Variants in NALCN observed in about 807,000 individuals in gnomAD.
NALCN encodes sodium leak channel, non-selective.
In NALCN, 111 loss-of-function variants were observed where a neutral mutation model predicts 225.3. The ratio of observed to expected loss-of-function variants is 0.49; its 90% CI spans 0.42 to 0.58. The LOEUF is 0.58. Ranked by LOEUF, NALCN falls within the 20% of genes least tolerant of loss-of-function variation. The pLI is 0.00. For synonymous variants in NALCN, 764 were observed against 769.0 expected, an observed-to-expected ratio of 0.99 and a Z score of 0.11; for missense variants, 1,378 against 2,202.4, an observed-to-expected ratio of 0.63 and a Z score of 7.49.
At chr13:101,186,033 A>T (rs180722643) in intron 14 of NALCN, among the ~76,000 whole-genome samples, 1 of 152,318 alleles carries the variant, frequency 6.6e-6, no homozygotes, top group East Asian at 1.9e-4. Flanking sequence ...TAACTTGTGA[A>T]GTTTAGTTTT....
intron 37 of NALCN, among the ~76,000 whole-genome samples, chr13:101,070,665 T>C (rs1010146109): frequency 9.9e-5 from 15 of 152,200 alleles, no homozygotes; most frequent in Non-Finnish European, 1.8e-4. Context: ...ATCTTTTTTT[T>C]CTGAGCAGTA....
Position 101,273,434 on chromosome 13 carries a change from T to C in NALCN, c.1134+10499A>G, listed in dbSNP as rs139921199. ...ACACTTAAGCACACAACGAAGCAAC[T>C]TTCTAATCGGTTTCTTTAATACCAC... On this transcript the variant is annotated intron_variant, in intron 10 of 43. Transcript: ENST00000251127. Among the ~76,000 whole-genome samples, 797 of 152,322 alleles carry C rather than the reference T, an allele frequency of 5.2e-3. 10 individuals are homozygous for C. Among genetic ancestry groups the C allele is most frequent in the African/African-American group, 0.018 (740 of 41,548 alleles).
intron 3 of NALCN, among the ~76,000 whole-genome samples, chr13:101,384,518 T>C (rs916730475): frequency 2.6e-5 from 4 of 152,186 alleles, no homozygotes; most frequent in Admixed American, 6.5e-5. Context: ...TACAGTTTCA[T>C]GAGAACAGGA....
At chr13:101,333,911 C>T (rs565120739) in intron 7 of NALCN, among the ~76,000 whole-genome samples, 5 of 152,176 alleles carry the variant, frequency 3.3e-5, no homozygotes, top group South Asian at 2.1e-4. Context: ...TACATTCAAA[C>T]GAACAGTGAA....
intron 27 of NALCN, among the ~76,000 whole-genome samples, chr13:101,097,362 A>G (rs943032851): frequency 1.3e-5 from 2 of 152,120 alleles, no homozygotes; most frequent in Non-Finnish European, 2.9e-5. Flanking sequence ...ATCTTTCCAT[A>G]ACCATACCTT....
At chr13:101,119,124 TA>T (rs1174161401) in intron 18 of NALCN, among the ~76,000 whole-genome samples, 1 of 152,202 alleles carries the variant, frequency 6.6e-6, no homozygotes, top group African/African-American at 2.4e-5. Context: ...CGTGAATTCT[TA>T]GGGGCACTTT....
chr13:101,368,981 G>A (rs927834072), intron 6 of NALCN: 2 of 354,926 alleles, frequency 5.6e-6, no homozygotes, highest in Admixed American at 3.6e-5. Flanking sequence ...ACTCCAGCCT[G>A]GGTGTCAGAG....
At chr13:101,116,626 A>C (rs745610186) in intron 18 of NALCN, 1 of 469,558 alleles carries the variant, frequency 2.1e-6, no homozygotes, top group Non-Finnish European at 4.2e-6. Flanking sequence ...TGAGTCTTCA[A>C]ATTATTTTCA....
chr13:101,234,542 G>A (rs978107801), intron 12 of NALCN, among the ~76,000 whole-genome samples: 6 of 152,286 alleles, frequency 3.9e-5, no homozygotes, highest in African/African-American at 9.6e-5. Flanking sequence ...ACAAAGAGCC[G>A]CTCTGTCTGG....
chr13:101,325,797 A>G (rs1220404746), intron 7 of NALCN, among the ~76,000 whole-genome samples: 3 of 152,186 alleles, frequency 2.0e-5, no homozygotes, highest in Non-Finnish European at 4.4e-5. Context: ...AGGTGTTATC[A>G]TTATTTTGAC....
Position 101,067,972 on chromosome 13 carries a change from G to GT in NALCN, c.4391dup (p.Tyr1464Ter), listed in dbSNP as rs1566778125. 1.2e-6 allele frequency: 2 copies of GT among 1,613,350 alleles called. No homozygotes were observed. Residue 1464 changes from tyrosine to a stop codon, truncating the protein, a stop_gained and frameshift_variant, in exon 39 of 44, where the codon TAC (tyrosine) becomes TAAC (stop). Transcript: ENST00000251127. LOFTEE classifies it high-confidence loss of function. ...TTATTTGAAAGTGGCGAAGATCATT[G>GT]TAACTTAAAAGCTGGTCCTCCTCAG... Reference protein sequence around the residue: ...YSTEEDQLLSYNDLRHFQIIW... With the variant: ...YSTEEDQLLS
At chr13:101,127,835 C>CCTT (rs1468271077) in intron 17 of NALCN, among the ~76,000 whole-genome samples, 1 of 151,950 alleles carries the variant, frequency 6.6e-6, no homozygotes, top group Non-Finnish European at 1.5e-5. Flanking sequence ...CTAGTTATTC[C>CCTT]CTTCTTTTTT....
At chr13:101,144,477 C>G (rs929991937) in intron 16 of NALCN, among the ~76,000 whole-genome samples, 17 of 152,214 alleles carry the variant, frequency 1.1e-4, no homozygotes, top group Admixed American at 3.3e-4. Flanking sequence ...CCTGGGATGT[C>G]CCATTCCCGA....
At chr13:101,183,549 TC>T (rs2039327954) in intron 14 of NALCN, among the ~76,000 whole-genome samples, 1 of 152,112 alleles carries the variant, frequency 6.6e-6, no homozygotes, top group Admixed American at 6.6e-5. Context: ...AACCTCTACC[TC>T]CCGGGTTCAA....
intron 7 of NALCN, 96 bp downstream of exon 7, chr13:101,345,170 C>A: frequency 1.6e-6 from 2 of 1,250,778 alleles, no homozygotes; most frequent in Middle Eastern, 2.0e-4. Context: ...ATACTACAGC[C>A]AGTCAAAATA....
chr13:101,290,024 T>A (rs1048310568), intron 9 of NALCN, among the ~76,000 whole-genome samples: 2 of 152,342 alleles, frequency 1.3e-5, no homozygotes, highest in Middle Eastern at 6.8e-3. Flanking sequence ...GGTCCTCAGC[T>A]ATAGCATTTT....
chr13:101,104,475 G>C lies in NALCN; in HGVS notation c.2758-49C>G, dbSNP rs1411684676. The C allele has an allele frequency of 6.2e-7, 1 of 1,612,832 alleles. No individual in the cohort carries two copies. The highest frequency in any genetic ancestry group is 2.2e-5 in the East Asian group (1 of 44,854). Reference sequence around the variant, plus strand: ...GGTTACAATGAACGGAAAAACAGCAGGTCAGTATTTTACCTCCTAGTTGTA... The same window carrying C: ...GGTTACAATGAACGGAAAAACAGCACGTCAGTATTTTACCTCCTAGTTGTA... On this transcript the variant is annotated intron_variant, in intron 24 of 43. Transcript: ENST00000251127. This position sits in a 1 kb window ranked among gnomAD's most constrained non-coding sequence, Gnocchi z 4.2.
chr13:101,321,867 C>A (rs888159053), intron 7 of NALCN, among the ~76,000 whole-genome samples: 9 of 151,642 alleles, frequency 5.9e-5, no homozygotes, highest in African/African-American at 1.9e-4. Context: ...GAGAGAGGAC[C>A]GGAATTGTAG....
rs1566764654 is a variant in NALCN at position 101,057,980 on chromosome 13, CCTGCGTCGG to C, written c.4973_4981del (p.Ala1658_Ala1660del). 1 of 1,613,930 alleles carries C rather than the reference CCTGCGTCGG, an allele frequency of 6.2e-7. No homozygotes were observed. Among genetic ancestry groups the C allele is most frequent in the East Asian group, 2.2e-5 (1 of 44,874 alleles). On this transcript the variant is annotated inframe_deletion, in exon 43 of 44. Coordinates refer to ENST00000251127, the MANE Select transcript of NALCN (RefSeq NM_052867.4). Reference sequence around the variant, plus strand: ...CTGCCCAAATTTCCTCTGGGGTTTCCCTGCGTCGGCTGCATCTTGCCGACTTCCTCCTCG... The same window carrying C: ...CTGCCCAAATTTCCTCTGGGGTTTCCCTGCATCTTGCCGACTTCCTCCTCG...
Sources: allele counts gnomAD v4.1 joint callset (sites outside exome capture counted in the v4.1 genomes callset), GRCh38; gene constraint gnomAD v4.1.1; non-coding constraint Gnocchi (gnomAD v3.1); transcripts MANE v1.5; gene names NCBI Gene and HGNC (gene_info 2026-07-23, HGNC 2026-07-21).